Variants in AVEN observed in about 807,000 individuals in gnomAD.
AVEN encodes the protein cell death regulator Aven.
A neutral mutation model predicts 38.1 loss-of-function variants in AVEN; 41 were observed. That is an observed-to-expected ratio of 1.08 (90% CI 0.84 to 1.40). AVEN has a LOEUF of 1.40. AVEN is among the 40% of genes most tolerant of loss of function. AVEN has a pLI of 0.00. For synonymous variants in AVEN, 206 were observed against 171.8 expected (o/e 1.20, Z -1.56); for missense variants, 605 against 438.8 (o/e 1.38, Z -3.38).
chr15:33,895,815 A>C (rs139222476), intron 2 of AVEN, among the ~76,000 whole-genome samples: 1 of 152,194 alleles, frequency 6.6e-6, no homozygotes, highest in African/African-American at 2.4e-5. Context: ...AAACCTCTCT[A>C]TAACTGCCCT....
intron 1 of AVEN, among the ~76,000 whole-genome samples, chr15:34,022,824 G>A (rs16958595): frequency 0.06 from 9,072 of 152,264 alleles, 553 homozygotes; most frequent in East Asian, 0.33. Flanking sequence ...ATTTCTCTTG[G>A]ATTTTTGCTA....
intron 2 of AVEN, among the ~76,000 whole-genome samples, chr15:33,961,812 CAAAAAAAAA>C (rs138076873): frequency 1.5e-4 from 11 of 71,966 alleles, no homozygotes; most frequent in African/African-American, 5.2e-4. Context: ...GACTCTGTCT[CAAAAAAAAA>C]AAAAAAAAAA....
chr15:33,992,467 G>A (rs1896770909), intron 2 of AVEN, among the ~76,000 whole-genome samples: 1 of 152,258 alleles, frequency 6.6e-6, no homozygotes, highest in South Asian at 2.1e-4. Context: ...TTTGTTATCG[G>A]AGTTTTCCTT....
chr15:34,038,423 G>A (rs1026342809), intron 1 of AVEN, among the ~76,000 whole-genome samples: 7 of 152,124 alleles, frequency 4.6e-5, no homozygotes, highest in Non-Finnish European at 7.4e-5. Context: ...CCGTCCCATA[G>A]TGGTACTCGT....
chr15:33,925,450 T>C (rs892443272), intron 2 of AVEN, among the ~76,000 whole-genome samples: 2 of 152,134 alleles, frequency 1.3e-5, no homozygotes, highest in East Asian at 1.9e-4. Context: ...ATGGGACAAA[T>C]AGGGCCATTC....
At chr15:33,859,554 C>T (rs765052458) in intron 11 of AVEN, 4 of 1,613,042 alleles carry the variant, frequency 2.5e-6, no homozygotes, top group Admixed American at 1.7e-5. Flanking sequence ...TGCCTAAATC[C>T]CCCTTATTTT....
At chr15:34,014,062 AAAAAAG>A (rs1162508596) in intron 1 of AVEN, among the ~76,000 whole-genome samples, 2 of 152,038 alleles carry the variant, frequency 1.3e-5, no homozygotes, top group Non-Finnish European at 2.9e-5. Flanking sequence ...GGGAAATTTT[AAAAAAG>A]AAAAACACAT....
At chr15:33,927,231 G>T (rs147190542) in intron 2 of AVEN, among the ~76,000 whole-genome samples, 6,367 of 151,678 alleles carry the variant, frequency 0.042, 270 homozygotes, top group African/African-American at 0.11. Context: ...CTCCAGCCTG[G>T]GTGACAGAGC....
chr15:33,910,568 A>T (rs1330111702), intron 2 of AVEN, among the ~76,000 whole-genome samples: 2 of 152,200 alleles, frequency 1.3e-5, no homozygotes, highest in African/African-American at 4.8e-5. Context: ...ACAAAGTACT[A>T]GTGGGAATTT....
intron 2 of AVEN, chr15:34,067,167 C>T (rs2140853454): frequency 6.6e-6 from 1 of 152,300 alleles, no homozygotes; most frequent in Admixed American, 6.5e-5. Context: ...ATTTGTTTCC[C>T]CTTGGCTGTG....
At chr15:33,998,351 C>T (rs1378975148) in intron 2 of AVEN, among the ~76,000 whole-genome samples, 1 of 152,110 alleles carries the variant, frequency 6.6e-6, no homozygotes, top group Non-Finnish European at 1.5e-5. Flanking sequence ...ACTGGCCAAG[C>T]ATAGTGGCTG....
chr15:33,932,623 A>C (rs1311358583), intron 2 of AVEN, among the ~76,000 whole-genome samples: 1 of 152,096 alleles, frequency 6.6e-6, no homozygotes, highest in Non-Finnish European at 1.5e-5. Flanking sequence ...TCAGGAGTTC[A>C]AGACCAGCCT....
intron 2 of AVEN, among the ~76,000 whole-genome samples, chr15:33,910,570 T>G (rs1446795284): frequency 1.3e-5 from 2 of 152,074 alleles, no homozygotes; most frequent in Non-Finnish European, 2.9e-5. Flanking sequence ...AAAGTACTAG[T>G]GGGAATTTGT....
At chr15:34,065,322 A>C (rs1339846086) in intron 4 of AVEN, 3 of 152,200 alleles carry the variant, frequency 2.0e-5, no homozygotes, top group African/African-American at 4.8e-5. Flanking sequence ...AACCTGAGCA[A>C]AATGTGGAAA....
chr15:34,063,735 G>A lies in AVEN; in HGVS notation n.1127-303C>T. On this transcript the variant is annotated intron_variant and non_coding_transcript_variant, in intron 4 of 11. Transcript: ENST00000675287. The surrounding 1 kb of genome is among the most constrained non-coding windows in gnomAD (Gnocchi z 4.1). ...AAGCCCAGGGGAAGAATTCAGTGCT[G>A]AAGAGACTGAGGAAACTTTTGTGAA... 4.3e-6 allele frequency: 7 copies of A among 1,614,216 alleles called. No homozygotes were observed. Among genetic ancestry groups the A allele is most frequent in the Non-Finnish European group, 4.2e-6 (5 of 1,180,046 alleles).
intron 2 of AVEN, among the ~76,000 whole-genome samples, chr15:33,929,764 G>C (rs1448709401): frequency 1.3e-5 from 2 of 152,194 alleles, no homozygotes; most frequent in African/African-American, 4.8e-5. Flanking sequence ...TACTGCTAAA[G>C]AGAAGCAGCA....
intron 2 of AVEN, among the ~76,000 whole-genome samples, chr15:33,925,168 C>A (rs1341041757): frequency 1.3e-5 from 2 of 152,196 alleles, no homozygotes; most frequent in Non-Finnish European, 2.9e-5. Context: ...ACACAAGCCC[C>A]TGTACCTTCC....
In AVEN at chr15:33,958,651, C is replaced by T. The variant is rs562979628; in HGVS notation, c.445+44381G>A. 8.6e-5 allele frequency among the ~76,000 whole-genome samples: 13 copies of T among 151,928 alleles called. No homozygotes were observed. In the East Asian group the frequency reaches 1.9e-3, roughly 23 times the overall value. ...ACTTCTTTATACACTTTTCCCCATA[C>T]AGCCAATCACATCTGCTAAATTAAC... On this transcript the variant is annotated intron_variant, in intron 2 of 5. Coordinates refer to ENST00000306730, the MANE Select transcript of AVEN (RefSeq NM_020371.3).
intron 2 of AVEN, among the ~76,000 whole-genome samples, chr15:33,894,108 C>T (rs1217363147): frequency 6.6e-6 from 1 of 151,944 alleles, no homozygotes; most frequent in Non-Finnish European, 1.5e-5. Context: ...CACAACCACA[C>T]CCGGCTAATT....
Sources: allele counts gnomAD v4.1 joint callset (sites outside exome capture counted in the v4.1 genomes callset), GRCh38; gene constraint gnomAD v4.1.1; non-coding constraint Gnocchi (gnomAD v3.1); transcripts MANE v1.5; gene names NCBI Gene and HGNC (gene_info 2026-07-23, HGNC 2026-07-21).